Variants in ALK observed in about 807,000 individuals in gnomAD.
ALK encodes the protein ALK receptor tyrosine kinase.
ALK carries 74 observed loss-of-function variants against 163.1 expected under a neutral mutation model. The ratio of observed to expected loss-of-function variants is 0.45; its 90% CI spans 0.38 to 0.55. ALK has a LOEUF of 0.55. ALK is among the 20% of genes least tolerant of loss of function. The pLI, the probability that ALK is intolerant of heterozygous loss-of-function variation, is 0.00. For missense variants in ALK, 2,063 were observed against 2,105.3 expected, an observed-to-expected ratio of 0.98 and a Z score of 0.39; for synonymous variants, 960 against 843.2, an observed-to-expected ratio of 1.14 and a Z score of -2.40.
At chr2:29,462,849 C>A (rs1419179433) in intron 4 of ALK, among the ~76,000 whole-genome samples, 2 of 152,008 alleles carry the variant, frequency 1.3e-5, no homozygotes, top group African/African-American at 4.8e-5. Flanking sequence ...TCCTATTTTC[C>A]CCATAGGAAT....
At chr2:29,512,347 G>A (rs1413858438) in intron 4 of ALK, among the ~76,000 whole-genome samples, 12 of 148,432 alleles carry the variant, frequency 8.1e-5, no homozygotes, top group African/African-American at 2.2e-4. Flanking sequence ...TTCAATATAC[G>A]CAAATCAATA....
At chr2:29,733,035 G>A (rs922621893) in intron 1 of ALK, among the ~76,000 whole-genome samples, 1 of 152,080 alleles carries the variant, frequency 6.6e-6, no homozygotes, top group African/African-American at 2.4e-5. Context: ...AGAACATGAA[G>A]CAGCCTTCCA....
chr2:29,275,060 A>C lies in ALK; in HGVS notation c.2041+39T>G, dbSNP rs758931210. 8 of 1,613,560 alleles carry C rather than the reference A, an allele frequency of 5.0e-6. No homozygotes were observed. In the African/African-American group the frequency reaches 1.1e-4, roughly 22 times the overall value. ...AATCTTTCTTCTGCCTTTTGCAACA[A>C]GAAGTTACTGTGCTCACATTTGTGA... On this transcript the variant is annotated intron_variant, in intron 11 of 28. Coordinates refer to ENST00000389048, the MANE Select transcript of ALK (RefSeq NM_004304.5).
chr2:29,469,426 C>A (rs1357468437), intron 4 of ALK, among the ~76,000 whole-genome samples: 1 of 152,144 alleles, frequency 6.6e-6, no homozygotes, highest in African/African-American at 2.4e-5. Flanking sequence ...GATAAGGGCC[C>A]ACTTGCATTT....
At chr2:29,219,088 C>T (rs72852027) in intron 23 of ALK, among the ~76,000 whole-genome samples, 3,253 of 152,302 alleles carry the variant, frequency 0.021, 111 homozygotes, top group African/African-American at 0.07. Flanking sequence ...CTCTCTGGGC[C>T]ACCGTTTTCT....
intron 1 of ALK, among the ~76,000 whole-genome samples, chr2:29,858,252 C>T (rs902799616): frequency 1.3e-5 from 2 of 152,144 alleles, no homozygotes; most frequent in Non-Finnish European, 2.9e-5. Flanking sequence ...CCACTAATCT[C>T]CACTTCTATA....
At chr2:29,836,521 C>G (rs1364526824) in intron 1 of ALK, among the ~76,000 whole-genome samples, 1 of 152,152 alleles carries the variant, frequency 6.6e-6, no homozygotes. Flanking sequence ...CTCACAACTC[C>G]CTAGCCAGAG....
intron 5 of ALK, among the ~76,000 whole-genome samples, chr2:29,358,397 G>A (rs1209553141): frequency 1.3e-5 from 2 of 152,224 alleles, no homozygotes; most frequent in African/African-American, 4.8e-5. Context: ...TCAGGTAGAA[G>A]TAAATATGGA....
chr2:29,712,556 C>T (rs1275878815), intron 2 of ALK, among the ~76,000 whole-genome samples: 1 of 152,214 alleles, frequency 6.6e-6, no homozygotes, highest in South Asian at 2.1e-4. Flanking sequence ...AGCTATGAAG[C>T]AAATCCTATA....
chr2:29,836,814 C>G (rs559100892), intron 1 of ALK, among the ~76,000 whole-genome samples: 1 of 152,166 alleles, frequency 6.6e-6, no homozygotes, highest in Non-Finnish European at 1.5e-5. Context: ...ATATGGAGCT[C>G]TTAGGTAATC....
intron 3 of ALK, among the ~76,000 whole-genome samples, chr2:29,655,547 G>C (rs1677161025): frequency 6.6e-6 from 1 of 152,140 alleles, no homozygotes; most frequent in East Asian, 1.9e-4. Flanking sequence ...ATTATTCTGA[G>C]CTGAGTCCAG....
At chr2:29,585,205 T>C (rs1470326443) in intron 3 of ALK, among the ~76,000 whole-genome samples, 1 of 152,232 alleles carries the variant, frequency 6.6e-6, no homozygotes, top group African/African-American at 2.4e-5. Flanking sequence ...TATAAATGTA[T>C]AATTAAAAAA....
intron 5 of ALK, among the ~76,000 whole-genome samples, chr2:29,357,706 A>T (rs879497046): frequency 1.3e-5 from 2 of 151,850 alleles, no homozygotes; most frequent in Non-Finnish European, 2.9e-5. Flanking sequence ...GTGGGATTTG[A>T]CCTAGCATCT....
At chr2:29,805,083 C>G (rs1664572536) in intron 1 of ALK, among the ~76,000 whole-genome samples, 2 of 152,140 alleles carry the variant, frequency 1.3e-5, no homozygotes, top group African/African-American at 4.8e-5. Context: ...CTTCCTTGAA[C>G]TTTGGGGGCT....
chr2:29,830,653 G>C (rs1665342339), intron 1 of ALK, among the ~76,000 whole-genome samples: 1 of 138,294 alleles, frequency 7.2e-6, no homozygotes, highest in Admixed American at 7.6e-5. Flanking sequence ...AGGATTGCTT[G>C]AGGTCAGGAG....
At chr2:29,344,325 A>G (rs1667885483) in intron 5 of ALK, among the ~76,000 whole-genome samples, 1 of 152,178 alleles carries the variant, frequency 6.6e-6, no homozygotes, top group African/African-American at 2.4e-5. Flanking sequence ...CAGGCTCATG[A>G]CTGCTTGGAC....
Position 29,296,722 on chromosome 2 carries a change from A to AGTGT in ALK, c.1817+162_1817+165dup, listed in dbSNP as rs3054024. 0.05 allele frequency among the ~76,000 whole-genome samples: 7,547 copies of AGTGT among 150,468 alleles called. 253 individuals carry two copies. Among genetic ancestry groups the AGTGT allele is most frequent in the Non-Finnish European group, 0.07 (4,698 of 67,484 alleles). On this transcript the variant is annotated intron_variant, in intron 9 of 28. Transcript: ENST00000389048. Reference sequence around the variant, plus strand: ...ACTGCAGAAAGTGTGTAACCTGCAGAGTGTGTGTGTGTGTGTGTGCACGTG... The same window carrying AGTGT: ...ACTGCAGAAAGTGTGTAACCTGCAGAGTGTGTGTGTGTGTGTGTGTGTGCACGTG...
At chr2:29,337,335 T>C (rs553074714) in intron 5 of ALK, among the ~76,000 whole-genome samples, 120 of 152,286 alleles carry the variant, frequency 7.9e-4, no homozygotes, top group Non-Finnish European at 1.3e-3. Context: ...TAAGAAATCA[T>C]GATTCCGGGA....
intron 1 of ALK, among the ~76,000 whole-genome samples, chr2:29,763,871 AG>A (rs1473511888): frequency 6.6e-6 from 1 of 152,152 alleles, no homozygotes; most frequent in African/African-American, 2.4e-5. Flanking sequence ...AGAGGGGAGG[AG>A]AAAGAAAGGG....
Sources: gnomAD v4.1 joint callset for allele counts (sites outside exome capture counted in the v4.1 genomes callset) on GRCh38, gnomAD v4.1.1 for gene constraint, MANE v1.5 for transcripts, NCBI Gene and HGNC (gene_info 2026-07-23, HGNC 2026-07-21) for gene names.